The following DMD variants were observed in gnomAD, a reference collection of about 807,000 sequenced individuals.
DMD encodes dystrophin, also known as mutant dystrophin.
Under a neutral mutation model 330.1 loss-of-function variants are expected in DMD, and 63 were observed. The observed-to-expected ratio is 0.19, with a 90% confidence interval of 0.16 to 0.24. DMD has a LOEUF of 0.24. Among genes scored for constraint, DMD ranks in the 10% least tolerant of loss-of-function variants. DMD has a pLI of 1.00. For missense variants in DMD, 3,344 were observed against 2,684.1 expected (o/e 1.25, Z -5.43); for synonymous variants, 1,223 against 959.8 (o/e 1.27, Z -5.07).
At chrX:31,984,298 A>T (rs2095495765) in intron 44 of DMD, among the ~76,000 whole-genome samples, 2 of 112,250 alleles carry the variant, frequency 1.8e-5, no homozygotes. Context: ...AAAGAGGACA[A>T]CAGCATCCCT....
intron 44 of DMD, among the ~76,000 whole-genome samples, chrX:32,149,010 CT>C (rs2096791825): frequency 8.9e-6 from 1 of 111,919 alleles, no homozygotes; most frequent in African/African-American, 3.2e-5. Context: ...TATGCATTTT[CT>C]TTTATACCAT....
chrX:32,751,986 G>C (rs1416192211), intron 7 of DMD, among the ~76,000 whole-genome samples: 1 of 112,921 alleles, frequency 8.9e-6, no homozygotes, highest in Non-Finnish European at 1.9e-5. Flanking sequence ...AGATTTCAGA[G>C]GATGTATGGA....
rs917420394 is a variant in DMD, at chrX:31,829,380, A to G, written c.7200+7338T>C. ...CTATACCCCCAAAACTACTGAAATT[A>G]TAAAAAATAAGCAAAATATAACTTG... On this transcript the variant is annotated intron_variant, in intron 49 of 78. Coordinates refer to ENST00000357033, the MANE Select transcript of DMD (RefSeq NM_004006.3). Among the ~76,000 whole-genome samples the G allele has an allele frequency of 7.2e-5, 8 of 111,432 alleles. No individual in the cohort carries two copies. The East Asian group carries it at 2.2e-3, about 31-fold the overall frequency.
chrX:32,340,219 T>C (rs893894785), intron 41 of DMD, among the ~76,000 whole-genome samples: 6 of 111,863 alleles, frequency 5.4e-5, no homozygotes, highest in African/African-American at 1.6e-4. Flanking sequence ...CAATATTAAA[T>C]TGATTATTCT....
intron 44 of DMD, among the ~76,000 whole-genome samples, chrX:32,161,025 G>T (rs747778416): frequency 9.0e-6 from 1 of 111,491 alleles, no homozygotes; most frequent in African/African-American, 3.3e-5. Flanking sequence ...AAGACTTGGT[G>T]TGAAGAGCTC....
At chrX:31,706,409 T>C (rs766780608) in intron 52 of DMD, among the ~76,000 whole-genome samples, 18 of 111,795 alleles carry the variant, frequency 1.6e-4, no homozygotes, top group Non-Finnish European at 2.8e-4. Flanking sequence ...CTCATACTCT[T>C]ATATAATTAT....
intron 29 of DMD, among the ~76,000 whole-genome samples, chrX:32,414,672 C>T (rs532251386): frequency 1.1e-3 from 127 of 111,666 alleles, no homozygotes; most frequent in Non-Finnish European, 1.9e-3. Flanking sequence ...TAGTCAAAGA[C>T]GAAAATGGAT....
intron 43 of DMD, among the ~76,000 whole-genome samples, chrX:32,277,103 T>C (rs1176049334): frequency 9.0e-6 from 1 of 111,630 alleles, no homozygotes; most frequent in Non-Finnish European, 1.9e-5. Context: ...AGATATTCCA[T>C]GCCAATGGAA....
At chrX:33,095,595 C>T (rs906063345) in intron 1 of DMD, among the ~76,000 whole-genome samples, 3 of 111,871 alleles carry the variant, frequency 2.7e-5, no homozygotes, top group African/African-American at 9.7e-5. Context: ...CTTTTTAATT[C>T]TCTTTTCTGT....
At chrX:31,441,501 C>T (rs2149060746) in intron 60 of DMD, among the ~76,000 whole-genome samples, 1 of 112,524 alleles carries the variant, frequency 8.9e-6, no homozygotes, top group South Asian at 3.7e-4. Context: ...CCAGAGAGTT[C>T]TTTACTTTTT....
chrX:31,909,482 TA>T (rs1346443437), intron 47 of DMD, among the ~76,000 whole-genome samples: 1 of 94,996 alleles, frequency 1.1e-5, no homozygotes, highest in East Asian at 3.2e-4. Flanking sequence ...GTGAAGCTGC[TA>T]GGTCAACACA....
chrX:32,054,250 T>A (rs1603623464), intron 44 of DMD, among the ~76,000 whole-genome samples: 1 of 108,947 alleles, frequency 9.2e-6, no homozygotes, highest in Non-Finnish European at 1.9e-5. Context: ...CGTGCAGGTT[T>A]GTTACATATG....
intron 41 of DMD, among the ~76,000 whole-genome samples, chrX:32,335,892 CAT>C (rs1331016797): frequency 1.9e-5 from 2 of 102,950 alleles, no homozygotes; most frequent in Admixed American, 1.0e-4. Context: ...TTATATATAA[CAT>C]GTTATACATA....
At chrX:32,304,391 A>G (rs971680373) in intron 42 of DMD, among the ~76,000 whole-genome samples, 1 of 111,096 alleles carries the variant, frequency 9.0e-6, no homozygotes, top group African/African-American at 3.3e-5. Context: ...TTGCAGCATA[A>G]TAGTCAAGGT....
At chrX:32,726,700 TTTA>T (rs1246510058) in intron 7 of DMD, among the ~76,000 whole-genome samples, 1 of 111,182 alleles carries the variant, frequency 9.0e-6, no homozygotes, top group African/African-American at 3.3e-5. Flanking sequence ...GGAAGTTTTT[TTTA>T]TTATTTATGA....
At chrX:32,681,054 TA>T (rs1190254974) in intron 9 of DMD, among the ~76,000 whole-genome samples, 4 of 112,502 alleles carry the variant, frequency 3.6e-5, no homozygotes, top group African/African-American at 1.3e-4. Flanking sequence ...TTTTTGCTAT[TA>T]GGCGATAAAG....
At chrX:33,055,898 GAATA>G (rs1214842388) in intron 1 of DMD, among the ~76,000 whole-genome samples, 4 of 110,596 alleles carry the variant, frequency 3.6e-5, no homozygotes, top group East Asian at 2.8e-4. Flanking sequence ...TCATGGAGAA[GAATA>G]AATAAAGTAA....
intron 44 of DMD, among the ~76,000 whole-genome samples, chrX:32,003,033 C>A (rs1258743333): frequency 1.8e-5 from 2 of 111,827 alleles, no homozygotes; most frequent in African/African-American, 6.5e-5. Flanking sequence ...TCCTTCAGAG[C>A]ATATTTTCAA....
chrX:31,915,000 T>A (rs1280235701), intron 47 of DMD, among the ~76,000 whole-genome samples: 1 of 112,474 alleles, frequency 8.9e-6, no homozygotes, highest in Non-Finnish European at 1.9e-5. Flanking sequence ...AAGTACCCCA[T>A]AAATACATAC....
Sources: gnomAD v4.1 joint callset for allele counts (sites outside exome capture counted in the v4.1 genomes callset) on GRCh38, gnomAD v4.1.1 for gene constraint, MANE v1.5 for transcripts, NCBI Gene and HGNC (gene_info 2026-07-23, HGNC 2026-07-21) for gene names.